Variants in SGCZ observed in about 807,000 individuals in gnomAD.
The protein encoded by SGCZ is sarcoglycan zeta, also known as zeta-sarcoglycan.
Under a neutral mutation model 41.3 loss-of-function variants are expected in SGCZ, and 40 were observed. The ratio of observed to expected loss-of-function variants is 0.97; its 90% CI spans 0.75 to 1.26. The LOEUF (loss-of-function observed/expected upper bound fraction) is 1.26. Among genes scored for constraint, SGCZ ranks in the 50% most tolerant of loss-of-function variants. SGCZ has a pLI of 0.00. For missense variants in SGCZ, 552 were observed against 369.8 expected (o/e 1.49, Z -4.04); for synonymous variants, 206 against 137.5 (o/e 1.50, Z -3.49).
intron 3 of SGCZ, among the ~76,000 whole-genome samples, chr8:14,278,331 A>G (rs1031531344): frequency 1.3e-5 from 2 of 152,124 alleles, no homozygotes; most frequent in Non-Finnish European, 2.9e-5. Flanking sequence ...ATATGTCTGT[A>G]TATTATATAA....
intron 2 of SGCZ, among the ~76,000 whole-genome samples, chr8:14,450,433 T>C (rs1800558752): frequency 6.6e-6 from 1 of 152,182 alleles, no homozygotes; most frequent in Admixed American, 6.6e-5. Flanking sequence ...AGGAGGGTAA[T>C]GAGCAGTATT....
At chr8:14,487,090 C>T (rs1310236901) in intron 2 of SGCZ, among the ~76,000 whole-genome samples, 2 of 152,174 alleles carry the variant, frequency 1.3e-5, no homozygotes, top group African/African-American at 4.8e-5. Context: ...TTTGATTCCT[C>T]CAGGGAATGT....
At chr8:14,421,220 A>G (rs182027319) in intron 2 of SGCZ, among the ~76,000 whole-genome samples, 39 of 152,158 alleles carry the variant, frequency 2.6e-4, no homozygotes, top group Admixed American at 1.6e-3. Context: ...GTAAGGGGCT[A>G]TTGATCTCAT....
intron 1 of SGCZ, among the ~76,000 whole-genome samples, chr8:14,912,296 T>C (rs1585372381): frequency 6.6e-6 from 1 of 151,982 alleles, no homozygotes; most frequent in South Asian, 2.1e-4. Flanking sequence ...GTAGTTTTTA[T>C]AATGCTTAAT....
In SGCZ at chr8:14,726,202, G is replaced by C. The variant is rs143830990; in HGVS notation, c.40-171276C>G. On this transcript the variant is annotated intron_variant, in intron 1 of 7. Transcript: ENST00000382080. ...TGAACCTGGGAGGGAGGCAGAGGTT[G>C]CAGTGAGCAGAGATTGTGCCACTGC... Among the ~76,000 whole-genome samples, 673 of 149,596 alleles carry C rather than the reference G, an allele frequency of 4.5e-3. 14 individuals are homozygous for C. In the East Asian group the frequency reaches 0.069, roughly 15 times the overall value.
chr8:14,111,763 G>T (rs548159093), intron 5 of SGCZ, among the ~76,000 whole-genome samples: 1 of 152,132 alleles, frequency 6.6e-6, no homozygotes, highest in Non-Finnish European at 1.5e-5. Context: ...GGCTTCTGCA[G>T]GAAAGAATAA....
At chr8:14,316,914 G>C (rs1164439199) in intron 3 of SGCZ, among the ~76,000 whole-genome samples, 1 of 150,554 alleles carries the variant, frequency 6.6e-6, no homozygotes, top group Non-Finnish European at 1.5e-5. Context: ...TCATCTAACA[G>C]ACAAAATTAA....
intron 4 of SGCZ, among the ~76,000 whole-genome samples, chr8:14,221,412 T>C (rs1035353744): frequency 6.6e-6 from 1 of 152,224 alleles, no homozygotes; most frequent in South Asian, 2.1e-4. Context: ...TTTTGCTGTG[T>C]TGTGTATCCA....
At chr8:14,476,428 T>C (rs980310835) in intron 2 of SGCZ, among the ~76,000 whole-genome samples, 1 of 152,032 alleles carries the variant, frequency 6.6e-6, no homozygotes, top group Non-Finnish European at 1.5e-5. Flanking sequence ...AGTCTATTTC[T>C]CTGGAGAACC....
At chr8:14,428,505 T>C (rs1799852244) in intron 2 of SGCZ, among the ~76,000 whole-genome samples, 2 of 152,200 alleles carry the variant, frequency 1.3e-5, no homozygotes, top group Non-Finnish European at 2.9e-5. Context: ...AAATTAGAGT[T>C]GTATGTATGC....
intron 5 of SGCZ, among the ~76,000 whole-genome samples, chr8:14,139,782 C>A (rs1368378473): frequency 6.6e-6 from 1 of 152,162 alleles, no homozygotes; most frequent in Admixed American, 6.5e-5. Flanking sequence ...ACCATTCCTT[C>A]TGAAACTATT....
intron 4 of SGCZ, among the ~76,000 whole-genome samples, chr8:14,187,785 C>T (rs749258104): frequency 6.6e-6 from 1 of 151,900 alleles, no homozygotes; most frequent in Non-Finnish European, 1.5e-5. Flanking sequence ...AAAGTAATGA[C>T]TAAAAATTCC....
chr8:14,320,088 G>A (rs1801864691), intron 3 of SGCZ, among the ~76,000 whole-genome samples: 1 of 151,722 alleles, frequency 6.6e-6, no homozygotes, highest in African/African-American at 2.4e-5. Context: ...CCGGTGATAT[G>A]TTCATGAAAT....
At chr8:14,974,388 G>A (rs1159449075) in intron 1 of SGCZ, among the ~76,000 whole-genome samples, 1 of 152,098 alleles carries the variant, frequency 6.6e-6, no homozygotes, top group African/African-American at 2.4e-5. Flanking sequence ...ACATACAACT[G>A]GGAACTTGAA....
At chr8:14,571,666 C>T (rs980063156) in intron 1 of SGCZ, among the ~76,000 whole-genome samples, 1 of 152,170 alleles carries the variant, frequency 6.6e-6, no homozygotes, top group African/African-American at 2.4e-5. Context: ...ATATTTAATT[C>T]TGTCTTCTGC....
intron 2 of SGCZ, among the ~76,000 whole-genome samples, chr8:14,359,570 A>G (rs918111897): frequency 6.6e-6 from 1 of 152,194 alleles, no homozygotes; most frequent in African/African-American, 2.4e-5. Context: ...ATAAATATCA[A>G]GATAAATTTT....
At chr8:14,796,453 G>A (rs1801134589) in intron 1 of SGCZ, among the ~76,000 whole-genome samples, 1 of 151,266 alleles carries the variant, frequency 6.6e-6, no homozygotes, top group Non-Finnish European at 1.5e-5. Flanking sequence ...ATATATTTGT[G>A]TCACAAGGTC....
rs149494830 is a variant in SGCZ at position 14,626,198 on chromosome 8, G to A, written c.40-71272C>T. On this transcript the variant is annotated intron_variant, in intron 1 of 7. Transcript: ENST00000382080. Reference sequence around the variant, plus strand: ...TAAGATACTTGTGCACAATGGGCAGGTTTGTTACATAGGTAAACGTGTGTC... The same window carrying A: ...TAAGATACTTGTGCACAATGGGCAGATTTGTTACATAGGTAAACGTGTGTC... 2.0e-5 allele frequency among the ~76,000 whole-genome samples: 3 copies of A among 151,840 alleles called. No individual in the cohort carries two copies. The South Asian group carries it at 6.3e-4, about 32-fold the overall frequency.
intron 2 of SGCZ, among the ~76,000 whole-genome samples, chr8:14,369,095 T>A (rs948109686): frequency 3.3e-5 from 5 of 151,490 alleles, no homozygotes; most frequent in Non-Finnish European, 5.9e-5. Flanking sequence ...TTAAATATAG[T>A]ACAAATATGA....
Sources: gnomAD v4.1 joint callset for allele counts (sites outside exome capture counted in the v4.1 genomes callset) on GRCh38, gnomAD v4.1.1 for gene constraint, MANE v1.5 for transcripts, NCBI Gene and HGNC (gene_info 2026-07-23, HGNC 2026-07-21) for gene names.